The following MYOZ1 variants were observed in gnomAD, a reference collection of about 807,000 sequenced individuals.
The protein encoded by MYOZ1 is myozenin 1.
In MYOZ1, 20 loss-of-function variants were observed where a neutral mutation model predicts 28.7. That is an observed-to-expected ratio of 0.70 (90% CI 0.49 to 1.01). The LOEUF is 1.01. MYOZ1 is among the 50% of genes least tolerant of loss of function. MYOZ1 has a pLI of 0.00. For missense variants in MYOZ1, 371 were observed against 372.4 expected (o/e 1.00, Z 0.03); for synonymous variants, 144 against 145.8 (o/e 0.99, Z 0.09).
chr10:73,633,077 A>T (rs1185473946), intron 5 of MYOZ1, among the ~76,000 whole-genome samples: 2 of 151,628 alleles, frequency 1.3e-5, no homozygotes, highest in African/African-American at 4.8e-5. Context: ...CGGGCAGATC[A>T]CCTGAGGTCA....
chr10:73,633,780 C>T (rs928919667), intron 5 of MYOZ1, 120 bp downstream of exon 5: 20 of 1,103,490 alleles, frequency 1.8e-5, no homozygotes, highest in East Asian at 2.5e-5. Context: ...GATTAGGACC[C>T]CCATATCCCT....
rs563388280 is a variant in MYOZ1 at position 73,637,246 on chromosome 10, C to A, written c.252+498G>T. 1.3e-5 allele frequency among the ~76,000 whole-genome samples: 2 copies of A among 152,160 alleles called. 1 individual carries two copies. Among genetic ancestry groups the A allele is most frequent in the South Asian group, 4.2e-4 (2 of 4,814 alleles). The stretch of plus-strand genomic sequence containing the variant: ...GCCAGGCTGGTCTCAAACTCCTGAC[C>A]TCAGGTGACCCACCTGCCTCGGCCT... On this transcript the variant is annotated intron_variant, in intron 3 of 5. Coordinates refer to ENST00000359322, the MANE Select transcript of MYOZ1 (RefSeq NM_021245.4).
chr10:73,639,144 C>A (rs2081687880), intron 2 of MYOZ1, among the ~76,000 whole-genome samples: 1 of 151,176 alleles, frequency 6.6e-6, no homozygotes, highest in Admixed American at 6.6e-5. Context: ...ATAAATATAT[C>A]TTAGGATGAA....
chr10:73,633,256 C>T (rs180945560), intron 5 of MYOZ1, among the ~76,000 whole-genome samples: 56 of 152,180 alleles, frequency 3.7e-4, no homozygotes, highest in Non-Finnish European at 5.4e-4. Context: ...GAGATCATGC[C>T]ACTGCACTCC....
chr10:73,639,354 T>A (rs922401217), intron 2 of MYOZ1, among the ~76,000 whole-genome samples: 13 of 152,060 alleles, frequency 8.5e-5, no homozygotes, highest in Non-Finnish European at 1.9e-4. Context: ...ACCCCTGAGT[T>A]CAAGCGATCC....
At chr10:73,641,107 C>T (rs773370278) in intron 1 of MYOZ1, among the ~76,000 whole-genome samples, 4 of 152,212 alleles carry the variant, frequency 2.6e-5, no homozygotes, top group Non-Finnish European at 5.9e-5. Flanking sequence ...GAAGTTGGCA[C>T]TCAGTGAAAT....
chr10:73,637,039 G>A (rs1400037473), intron 3 of MYOZ1, among the ~76,000 whole-genome samples: 2 of 123,826 alleles, frequency 1.6e-5, no homozygotes, highest in Non-Finnish European at 3.2e-5. Context: ...TTGAGACAGA[G>A]TTTCACTCTT....
chr10:73,638,681 TATTG>T (rs1564985103), intron 2 of MYOZ1, among the ~76,000 whole-genome samples: 1 of 148,766 alleles, frequency 6.7e-6, no homozygotes, highest in Non-Finnish European at 1.5e-5. Flanking sequence ...TTTATTTATT[TATTG>T]AGTCAGAGAC....
chr10:73,639,205 C>T (rs1309339214), intron 2 of MYOZ1, among the ~76,000 whole-genome samples: 2 of 152,040 alleles, frequency 1.3e-5, no homozygotes, highest in African/African-American at 4.8e-5. Flanking sequence ...TCACGGCAGC[C>T]TCCACCTCCC....
intron 5 of MYOZ1, among the ~76,000 whole-genome samples, chr10:73,632,706 C>T (rs2132404253): frequency 6.6e-6 from 1 of 151,396 alleles, no homozygotes. Flanking sequence ...ATTGCTTGAA[C>T]CCAGGAGGTG....
At position 73,637,729 on chromosome 10, in the gene MYOZ1, A is replaced by C. The variant is rs751918875; in HGVS notation, c.252+15T>G. 3 of 1,601,178 alleles carry C rather than the reference A, an allele frequency of 1.9e-6. No homozygotes were observed. Among genetic ancestry groups the C allele is most frequent in the Middle Eastern group, 1.7e-4 (1 of 6,002 alleles). ...GGCACCAGGCTTTGAGATAGTGATA[A>C]AGTTCCAGACTCACCATTGAGCTGT... is the stretch of plus-strand genomic sequence containing the variant. On this transcript the variant is annotated intron_variant, in intron 3 of 5. Coordinates refer to ENST00000359322, the MANE Select transcript of MYOZ1 (RefSeq NM_021245.4).
Position 73,641,409 on chromosome 10 carries a change from AC to A in MYOZ1, c.-19+1del, listed in dbSNP as rs1361873291. 1 of 152,338 alleles carries A rather than the reference AC, an allele frequency of 6.6e-6. No individual in the cohort carries two copies. Among genetic ancestry groups the A allele is most frequent in the Non-Finnish European group, 1.5e-5 (1 of 68,126 alleles). The allele number at this position is 152,338 out of a possible 1,614,324, so 9.4% of individuals were successfully genotyped here. On this transcript the variant is annotated splice_donor_variant, in intron 1 of 5. Transcript: ENST00000359322. LOFTEE classifies it low-confidence loss of function (5UTR_SPLICE). Reference sequence around the variant, plus strand: ...TTTCTAACGATAGAGCTGGAGACTTACCGGCTGCTCGGGCAGTGGTCAGCTC... The same window carrying A: ...TTTCTAACGATAGAGCTGGAGACTTACGGCTGCTCGGGCAGTGGTCAGCTC...
Position 73,634,696 on chromosome 10 carries a change from T to A in MYOZ1, c.290A>T (p.Gln97Leu), listed in dbSNP as rs776022781. ...FQKFLPTVGGQLGTAGQGFSY... is the reference protein window; with the variant it reads ...FQKFLPTVGGLLGTAGQGFSY... ...GAATCCCTGACCAGCTGTGCCCAGC[T>A]GTCCCCCCACTGTTGGAAGGAACTT... Residue 97 changes from glutamine to leucine, a missense_variant, in exon 4 of 6, where the codon CAG (glutamine) becomes CTG (leucine). Gln to Leu is a moderately radical substitution (Grantham distance 113). Transcript: ENST00000359322. The A allele has an allele frequency of 3.1e-6, 5 of 1,614,038 alleles. No homozygotes were observed. The African/African-American group carries it at 6.7e-5, about 22-fold the overall frequency.
Position 73,631,922 on chromosome 10 carries a change from G to C in MYOZ1, c.*8C>G. ...GGGGAAATGATGCAAATCAGAGGAG[G>C]AAACACCTCACAGCTCCTCTGTTTC... On this transcript the variant is annotated 3_prime_UTR_variant, in exon 6 of 6. Coordinates refer to ENST00000359322, the MANE Select transcript of MYOZ1 (RefSeq NM_021245.4). 6.2e-7 allele frequency: 1 copy of C among 1,610,936 alleles called. No individual in the cohort carries two copies. The highest frequency in any genetic ancestry group is 1.1e-5 in the South Asian group (1 of 90,974).
chr10:73,634,390 ACCT>A (rs2081654082), intron 4 of MYOZ1, 91 bp downstream of exon 4: 2 of 1,446,098 alleles, frequency 1.4e-6, no homozygotes, highest in Non-Finnish European at 1.9e-6. Flanking sequence ...ATTTAAACTG[ACCT>A]CCTCTGCTCC....
chr10:73,633,370 T>C (rs2081647491), intron 5 of MYOZ1, among the ~76,000 whole-genome samples: 1 of 151,968 alleles, frequency 6.6e-6, no homozygotes, highest in South Asian at 2.1e-4. Context: ...AATAATGGCA[T>C]CCTAACCTTG....
chr10:73,632,831 C>G (rs2081642975), intron 5 of MYOZ1, among the ~76,000 whole-genome samples: 1 of 151,706 alleles, frequency 6.6e-6, no homozygotes, highest in African/African-American at 2.4e-5. Flanking sequence ...CTCTCCAACC[C>G]TAGTGGACAG....
chr10:73,641,169 C>T (rs138615974), intron 1 of MYOZ1, among the ~76,000 whole-genome samples: 6 of 152,308 alleles, frequency 3.9e-5, no homozygotes, highest in African/African-American at 1.4e-4. Context: ...ACTCTACTGA[C>T]TTAGTGGGGT....
At chr10:73,636,688 T>C (rs1475206061) in intron 3 of MYOZ1, among the ~76,000 whole-genome samples, 6 of 152,106 alleles carry the variant, frequency 3.9e-5, no homozygotes, top group Admixed American at 1.3e-4. Context: ...ACTCCTGGAC[T>C]CAAGCAGTCC....
Sources: allele counts gnomAD v4.1 joint callset (sites outside exome capture counted in the v4.1 genomes callset), GRCh38; gene constraint gnomAD v4.1.1; transcripts MANE v1.5; gene names NCBI Gene and HGNC (gene_info 2026-07-23, HGNC 2026-07-21).